ROBO2: variants seen among roughly 807,000 people sequenced by gnomAD.
The protein encoded by ROBO2 is roundabout guidance receptor 2.
In ROBO2, 53 loss-of-function variants were observed where a neutral mutation model predicts 160.8. That is an observed-to-expected ratio of 0.33 (90% CI 0.26 to 0.41). The LOEUF (loss-of-function observed/expected upper bound fraction) is 0.41. Ranked by LOEUF, ROBO2 falls within the 10% of genes least tolerant of loss-of-function variation. ROBO2 has a pLI of 1.00. For missense variants in ROBO2, 1,577 were observed against 1,722.4 expected, an observed-to-expected ratio of 0.92 and a Z score of 1.49; for synonymous variants, 664 against 611.7, an observed-to-expected ratio of 1.09 and a Z score of -1.26.
At chr3:76,090,171 A>C (rs946388979) in intron 2 of ROBO2, among the ~76,000 whole-genome samples, 1 of 152,166 alleles carries the variant, frequency 6.6e-6, no homozygotes, top group African/African-American at 2.4e-5. Context: ...AAAGATATCA[A>C]AAAGCTAGGC....
intron 2 of ROBO2, among the ~76,000 whole-genome samples, chr3:76,196,635 C>A (rs144544550): frequency 6.6e-6 from 1 of 152,056 alleles, no homozygotes; most frequent in African/African-American, 2.4e-5. Flanking sequence ...TTATTCCTGT[C>A]TTTTTGCATG....
chr3:76,298,140 G>A (rs1709176307), intron 2 of ROBO2, among the ~76,000 whole-genome samples: 1 of 152,148 alleles, frequency 6.6e-6, no homozygotes, highest in African/African-American at 2.4e-5. Flanking sequence ...GGAACAAAAA[G>A]CTGGGTCATT....
chr3:76,025,404 A>G (rs537643521), intron 2 of ROBO2, among the ~76,000 whole-genome samples: 2 of 151,830 alleles, frequency 1.3e-5, no homozygotes, highest in Middle Eastern at 6.8e-3. Context: ...CAATAAAGTC[A>G]TATAGAATAA....
chr3:77,323,691 C>T (rs914483154), intron 2 of ROBO2, among the ~76,000 whole-genome samples: 8 of 152,044 alleles, frequency 5.3e-5, no homozygotes, highest in Admixed American at 4.6e-4. Flanking sequence ...AGATGAAACT[C>T]CTGAAAATGA....
intron 2 of ROBO2, among the ~76,000 whole-genome samples, chr3:76,349,574 T>G (rs1440969906): frequency 6.6e-6 from 1 of 152,108 alleles, no homozygotes; most frequent in East Asian, 1.9e-4. Context: ...TATTTTTGTG[T>G]GTGCTTAAGA....
chr3:76,317,365 G>A (rs913269549), intron 2 of ROBO2, among the ~76,000 whole-genome samples: 1 of 152,174 alleles, frequency 6.6e-6, no homozygotes, highest in African/African-American at 2.4e-5. Context: ...TCATTTAAAT[G>A]TCAGTTTTAG....
At chr3:77,162,727 TGG>T (rs1220926597) in intron 2 of ROBO2, among the ~76,000 whole-genome samples, 1 of 152,210 alleles carries the variant, frequency 6.6e-6, no homozygotes, top group African/African-American at 2.4e-5. Context: ...AGGCTACACA[TGG>T]GTTTAAAGCA....
chr3:77,380,574 A>G (rs2073309771), intron 2 of ROBO2, among the ~76,000 whole-genome samples: 1 of 152,178 alleles, frequency 6.6e-6, no homozygotes, highest in South Asian at 2.1e-4. Flanking sequence ...TAGAATTGGT[A>G]GTGCTTTATT....
At chr3:76,268,232 T>G (rs1707214754) in intron 2 of ROBO2, among the ~76,000 whole-genome samples, 1 of 149,974 alleles carries the variant, frequency 6.7e-6, no homozygotes, top group African/African-American at 2.5e-5. Flanking sequence ...ATTGTGCCAT[T>G]GCACCCCATC....
chr3:76,068,626 T>C lies in ROBO2; in HGVS notation c.109+131024T>C, dbSNP rs200693809. ...ATATGCAAACATGCTACAATTATTCTTATTTTAAAATACCTTTCCATATTC... is the reference window on the plus strand; with the variant it reads ...ATATGCAAACATGCTACAATTATTCCTATTTTAAAATACCTTTCCATATTC... On this transcript the variant is annotated intron_variant, in intron 2 of 26. Coordinates refer to the ROBO2 transcript ENST00000487694. Among the ~76,000 whole-genome samples, 3 of 152,224 alleles carry C rather than the reference T, an allele frequency of 2.0e-5. No homozygotes were observed. The East Asian group carries it at 5.8e-4, about 29-fold the overall frequency.
chr3:76,880,209 A>G (rs1050769783), intron 2 of ROBO2, among the ~76,000 whole-genome samples: 5 of 152,100 alleles, frequency 3.3e-5, no homozygotes, highest in Non-Finnish European at 4.4e-5. Context: ...CTAGGAATAC[A>G]TTAGCCTTTG....
intron 2 of ROBO2, among the ~76,000 whole-genome samples, chr3:77,133,289 G>A (rs1307347738): frequency 6.6e-6 from 1 of 152,028 alleles, no homozygotes; most frequent in Non-Finnish European, 1.5e-5. Flanking sequence ...AGGCCACTGG[G>A]GAGGAAGAGA....
At chr3:76,063,929 C>T (rs890498428) in intron 2 of ROBO2, among the ~76,000 whole-genome samples, 4 of 152,158 alleles carry the variant, frequency 2.6e-5, no homozygotes, top group African/African-American at 7.2e-5. Context: ...AGAGTTCCCT[C>T]TAGCTTTAGA....
In ROBO2 at chr3:77,229,401, C is replaced by T. The variant is rs183083357; in HGVS notation, c.388+131061C>T. ...GACATTAAAGGAATGGACCACATTGCGCCAGGTGTGGTGGCTCATGCCTGT... is the reference window on the plus strand; with the variant it reads ...GACATTAAAGGAATGGACCACATTGTGCCAGGTGTGGTGGCTCATGCCTGT... On this transcript the variant is annotated intron_variant, in intron 2 of 25. Coordinates refer to ENST00000461745, the Ensembl canonical transcript of ROBO2. Among the ~76,000 whole-genome samples the T allele has an allele frequency of 4.7e-3, 710 of 151,956 alleles. 7 individuals are homozygous for T. Among genetic ancestry groups the T allele is most frequent in the Non-Finnish European group, 5.5e-3 (374 of 67,956 alleles).
At chr3:76,366,134 G>A (rs896614655) in intron 2 of ROBO2, among the ~76,000 whole-genome samples, 3 of 152,076 alleles carry the variant, frequency 2.0e-5, no homozygotes, top group Non-Finnish European at 4.4e-5. Flanking sequence ...TTCCTTAGTA[G>A]AGAATGTCTG....
chr3:76,335,057 A>T (rs558203346), intron 2 of ROBO2, among the ~76,000 whole-genome samples: 130 of 151,768 alleles, frequency 8.6e-4, no homozygotes, highest in African/African-American at 3.1e-3. Flanking sequence ...TTTTGTAGAG[A>T]CAGGGTCTTG....
intron 2 of ROBO2, among the ~76,000 whole-genome samples, chr3:77,445,116 C>A (rs972724303): frequency 1.3e-5 from 2 of 152,044 alleles, no homozygotes; most frequent in Non-Finnish European, 2.9e-5. Flanking sequence ...GCAGATAGAG[C>A]CTTTTTAGGG....
chr3:77,295,874 A>C (rs2062030793), intron 2 of ROBO2, among the ~76,000 whole-genome samples: 1 of 149,326 alleles, frequency 6.7e-6, no homozygotes, highest in Admixed American at 6.7e-5. Context: ...CACCCCAGAC[A>C]CAAAGTAAAA....
intron 6 of ROBO2, among the ~76,000 whole-genome samples, chr3:77,539,126 C>G (rs1161072818): frequency 6.6e-6 from 1 of 152,110 alleles, no homozygotes; most frequent in African/African-American, 2.4e-5. Flanking sequence ...CACCATGTTG[C>G]CCAGGCTGAT....
Sources: allele counts gnomAD v4.1 joint callset (sites outside exome capture counted in the v4.1 genomes callset), GRCh38; gene constraint gnomAD v4.1.1; transcripts MANE v1.5; gene names NCBI Gene and HGNC (gene_info 2026-07-23, HGNC 2026-07-21).